Variants in CRACR2A observed in about 807,000 individuals in gnomAD.
CRACR2A encodes the protein EF-hand calcium-binding domain-containing protein 4B.
A neutral mutation model predicts 90.5 loss-of-function variants in CRACR2A; 79 were observed. The observed-to-expected ratio is 0.87, with a 90% CI of 0.73 to 1.05. CRACR2A has a LOEUF of 1.05. CRACR2A is among the 50% of genes least tolerant of loss of function. The pLI is 0.00. For synonymous variants in CRACR2A, 338 were observed against 356.7 expected, an observed-to-expected ratio of 0.95 and a Z score of 0.59; for missense variants, 823 against 897.2, an observed-to-expected ratio of 0.92 and a Z score of 1.06.
Position 3,656,322 on chromosome 12 carries a change from T to C in CRACR2A, c.847A>G (p.Lys283Glu), listed in dbSNP as rs747074374. The C allele has an allele frequency of 6.2e-7, 1 of 1,614,086 alleles. No individual in the cohort carries two copies. Among genetic ancestry groups the C allele is most frequent in the South Asian group, 1.1e-5 (1 of 91,074 alleles). The change falls in exon 9 of 20, where the codon AAG becomes GAG. Residue 283 changes from lysine (K) to glutamate (E), a missense_variant. By Grantham distance (56) the Lys-to-Glu change is moderately conservative. Coordinates refer to ENST00000440314, the MANE Select transcript of CRACR2A (RefSeq NM_001144958.2). Reference sequence around the variant, plus strand: ...GGATGGCAACATACCCTTTTCTGCTTCTGGGTGAGCTGCTCCAGCTCCTGC... The same window carrying C: ...GGATGGCAACATACCCTTTTCTGCTCCTGGGTGAGCTGCTCCAGCTCCTGC... ...KEQELEQLTQ[K>E]QKRLEGQCTA... is the part of the protein sequence containing the mutation.
intron 1 of CRACR2A, among the ~76,000 whole-genome samples, chr12:3,742,728 C>T (rs1251054330): frequency 6.6e-6 from 1 of 152,240 alleles, no homozygotes; most frequent in South Asian, 2.1e-4. Context: ...ACTCATGGAA[C>T]AGTCCTCCCA....
chr12:3,673,316 G>T, intron 7 of CRACR2A, 130 bp downstream of exon 7: 1 of 1,121,110 alleles, frequency 8.9e-7, no homozygotes, highest in South Asian at 1.5e-5. Flanking sequence ...ACAGGGCCTG[G>T]TCCCCACTTT....
In CRACR2A at chr12:3,641,815, G is replaced by C. The variant is rs1456105098; in HGVS notation, c.1188C>G (p.Asn396Lys). The C allele has an allele frequency of 6.4e-7, 1 of 1,551,684 alleles. No individual in the cohort carries two copies. Among genetic ancestry groups the C allele is most frequent in the Admixed American group, 2.0e-5 (1 of 51,008 alleles). ...CFQKNKAAKA[N>K]TAASRASWKK... The stretch of plus-strand genomic sequence containing the variant: ...TCCAACTTGCCCTGGAAGCAGCTGT[G>C]TTTGCCTTGGCTGCCTTATTTTTCT... The change falls in exon 13 of 20, where the codon AAC becomes AAG. Residue 396 changes from asparagine to lysine, a missense_variant. Asn to Lys is a moderately conservative substitution (Grantham distance 94). Coordinates refer to ENST00000440314, the MANE Select transcript of CRACR2A (RefSeq NM_001144958.2).
intron 10 of CRACR2A, among the ~76,000 whole-genome samples, chr12:3,649,003 G>T (rs937799299): frequency 6.6e-6 from 1 of 151,626 alleles, no homozygotes; most frequent in African/African-American, 2.4e-5. Flanking sequence ...AACACCACAT[G>T]TTCTCACTCA....
At chr12:3,697,509 T>A (rs1945762619) in intron 3 of CRACR2A, among the ~76,000 whole-genome samples, 1 of 152,224 alleles carries the variant, frequency 6.6e-6, no homozygotes, top group South Asian at 2.1e-4. Context: ...AGAGGTTGCG[T>A]GACTTGCCCA....
intron 10 of CRACR2A, among the ~76,000 whole-genome samples, chr12:3,653,779 T>C (rs1308795279): frequency 6.6e-6 from 1 of 152,114 alleles, no homozygotes; most frequent in Non-Finnish European, 1.5e-5. Context: ...TTCCCTCTGG[T>C]CCCTCTTGGC....
At chr12:3,743,172 AAAAATAC>A (rs1946555164) in intron 1 of CRACR2A, among the ~76,000 whole-genome samples, 1 of 152,212 alleles carries the variant, frequency 6.6e-6, no homozygotes, top group Non-Finnish European at 1.5e-5. Context: ...TACATTTTTT[AAAAATAC>A]GTTTAGTTTG....
At chr12:3,712,250 G>A (rs1032602001) in intron 3 of CRACR2A, among the ~76,000 whole-genome samples, 3 of 151,832 alleles carry the variant, frequency 2.0e-5, no homozygotes, top group African/African-American at 7.3e-5. Context: ...GGGGATAACA[G>A]TTTCCTCCCT....
intron 12 of CRACR2A, among the ~76,000 whole-genome samples, chr12:3,643,216 A>G (rs1944605109): frequency 1.3e-5 from 2 of 152,244 alleles, no homozygotes; most frequent in Non-Finnish European, 2.9e-5. Context: ...GTTTGCTGCC[A>G]GTCAGCAATG....
At chr12:3,681,012 C>T (rs1215003440) in intron 4 of CRACR2A, among the ~76,000 whole-genome samples, 3 of 152,248 alleles carry the variant, frequency 2.0e-5, no homozygotes, top group Admixed American at 6.5e-5. Context: ...CCCTGTCTTC[C>T]CTGCTCTCCC....
chr12:3,672,735 G>T (rs1945269318), intron 7 of CRACR2A: 1 of 985,312 alleles, frequency 1.0e-6, no homozygotes, highest in African/African-American at 1.7e-5. Context: ...ATACCTGCCT[G>T]TTCTGACTCT....
Position 3,673,389 on chromosome 12 carries a change from G to C in CRACR2A, c.671+57C>G, listed in dbSNP as rs146162265. The C allele has an allele frequency of 5.1e-6, 8 of 1,563,064 alleles. No individual in the cohort carries two copies. The African/African-American group carries it at 8.2e-5, about 16-fold the overall frequency. ...CAGAAGATCTAAGAGAAAGTGCACC[G>C]TGTGTCTCTCTTTTTCACACATAGT... On this transcript the variant is annotated intron_variant, in intron 7 of 19. Transcript: ENST00000440314.
At chr12:3,646,071 G>A (rs577163792) in intron 11 of CRACR2A, among the ~76,000 whole-genome samples, 1 of 152,290 alleles carries the variant, frequency 6.6e-6, no homozygotes, top group African/African-American at 2.4e-5. Flanking sequence ...GGGCATGGGA[G>A]GAAGCTCTTA....
chr12:3,694,334 C>T (rs1482091240), intron 4 of CRACR2A, among the ~76,000 whole-genome samples: 1 of 152,236 alleles, frequency 6.6e-6, no homozygotes, highest in African/African-American at 2.4e-5. Context: ...TGTGTTCTCC[C>T]TCCCACATGG....
intron 1 of CRACR2A, among the ~76,000 whole-genome samples, chr12:3,739,815 T>C (rs1946498289): frequency 6.6e-6 from 1 of 151,576 alleles, no homozygotes; most frequent in African/African-American, 2.4e-5. Context: ...GTACCTGTAA[T>C]CCCAGCTACT....
chr12:3,661,699 C>T (rs1591666441), intron 7 of CRACR2A, among the ~76,000 whole-genome samples: 4 of 152,086 alleles, frequency 2.6e-5, no homozygotes, highest in Admixed American at 6.5e-5. Context: ...TTCTCTTGGT[C>T]CCTGGAATGA....
At chr12:3,654,532 T>C in intron 9 of CRACR2A, 133 bp from the exon 10 acceptor site, 1 of 805,662 alleles carries the variant, frequency 1.2e-6, no homozygotes. Context: ...GCCTCAAGCC[T>C]AAATCAGCAT....
At chr12:3,701,526 A>C (rs1945834023) in intron 3 of CRACR2A, among the ~76,000 whole-genome samples, 1 of 152,148 alleles carries the variant, frequency 6.6e-6, no homozygotes, top group African/African-American at 2.4e-5. Flanking sequence ...TAATAAGAGA[A>C]TATTATGAAT....
chr12:3,720,479 A>G (rs1946153803), intron 2 of CRACR2A, among the ~76,000 whole-genome samples: 1 of 147,320 alleles, frequency 6.8e-6, no homozygotes, highest in African/African-American at 2.6e-5. Flanking sequence ...AAAAGAAAAA[A>G]AGAAACAAAT....
Sources: allele counts gnomAD v4.1 joint callset (sites outside exome capture counted in the v4.1 genomes callset), GRCh38; gene constraint gnomAD v4.1.1; transcripts MANE v1.5; gene names NCBI Gene and HGNC (gene_info 2026-07-23, HGNC 2026-07-21).